The following BRINP3 variants were observed in gnomAD, a reference collection of about 807,000 sequenced individuals.
BRINP3 encodes the protein BMP/retinoic acid-inducible neural-specific protein 3.
Under a neutral mutation model 71.0 loss-of-function variants are expected in BRINP3, and 19 were observed. The ratio of observed to expected loss-of-function variants is 0.27; its 90% CI spans 0.19 to 0.39. BRINP3 has a LOEUF of 0.39. Among genes scored for constraint, BRINP3 ranks in the 10% least tolerant of loss-of-function variants. BRINP3 has a pLI of 1.00. For synonymous variants in BRINP3, 380 were observed against 337.7 expected (o/e 1.13, Z -1.37); for missense variants, 959 against 940.8 (o/e 1.02, Z -0.25).
At chr1:190,101,825 A>G (rs1200417349) in intron 7 of BRINP3, among the ~76,000 whole-genome samples, 1 of 152,216 alleles carries the variant, frequency 6.6e-6, no homozygotes, top group African/African-American at 2.4e-5. Flanking sequence ...TAGAGCTCAC[A>G]AAAGTAGGGC....
intron 1 of BRINP3, among the ~76,000 whole-genome samples, chr1:190,470,628 T>G (rs866275497): frequency 1.7e-4 from 25 of 151,296 alleles, no homozygotes; most frequent in African/African-American, 6.0e-4. Flanking sequence ...TTATGAATAG[T>G]GATTATTGAA....
intron 2 of BRINP3, among the ~76,000 whole-genome samples, chr1:190,346,503 C>T (rs1571816444): frequency 6.6e-6 from 1 of 152,074 alleles, no homozygotes; most frequent in Non-Finnish European, 1.5e-5. Context: ...TAAAAAAACT[C>T]TTAGGTCTTG....
chr1:190,163,812 T>C (rs903642876), intron 6 of BRINP3, among the ~76,000 whole-genome samples: 2 of 152,080 alleles, frequency 1.3e-5, no homozygotes, highest in African/African-American at 4.8e-5. Flanking sequence ...TTTCCGTCAA[T>C]AGAAAATCTA....
chr1:190,177,792 T>C (rs1652676632), intron 6 of BRINP3, among the ~76,000 whole-genome samples: 2 of 152,168 alleles, frequency 1.3e-5, no homozygotes, highest in African/African-American at 4.8e-5. Context: ...GGAATGTTAT[T>C]TCACACGCAC....
chr1:190,314,205 T>C (rs1000701255), intron 2 of BRINP3, among the ~76,000 whole-genome samples: 1 of 151,938 alleles, frequency 6.6e-6, no homozygotes, highest in African/African-American at 2.4e-5. Flanking sequence ...TGGAGAATAA[T>C]AGAAAAGTAG....
intron 4 of BRINP3, among the ~76,000 whole-genome samples, chr1:190,258,690 T>C (rs544592148): frequency 6.6e-6 from 1 of 152,304 alleles, no homozygotes; most frequent in African/African-American, 2.4e-5. Context: ...AATGGAAACA[T>C]TTCTAGGAAG....
At chr1:190,381,181 GT>G (rs1670525549) in intron 2 of BRINP3, among the ~76,000 whole-genome samples, 1 of 152,036 alleles carries the variant, frequency 6.6e-6, no homozygotes, top group Non-Finnish European at 1.5e-5. Flanking sequence ...ATTCTTGTCT[GT>G]TTTCTTAAAT....
intron 2 of BRINP3, among the ~76,000 whole-genome samples, chr1:190,356,171 C>T (rs540444213): frequency 1.3e-4 from 20 of 152,036 alleles, no homozygotes; most frequent in Admixed American, 2.6e-4. Context: ...CATATGTGCT[C>T]TATGAGGAGT....
At chr1:190,192,988 A>G (rs1032607901) in intron 6 of BRINP3, among the ~76,000 whole-genome samples, 7 of 152,152 alleles carry the variant, frequency 4.6e-5, no homozygotes, top group Non-Finnish European at 1.0e-4. Context: ...CCCTCAAAAC[A>G]TGTCTGCCTT....
intron 2 of BRINP3, among the ~76,000 whole-genome samples, chr1:190,333,116 C>G (rs1339699355): frequency 6.6e-6 from 1 of 152,044 alleles, no homozygotes; most frequent in East Asian, 1.9e-4. Flanking sequence ...TGACCCAACA[C>G]TAATTGATTT....
chr1:190,323,622 T>A (rs1447720058), intron 2 of BRINP3, among the ~76,000 whole-genome samples: 1 of 151,824 alleles, frequency 6.6e-6, no homozygotes, highest in Non-Finnish European at 1.5e-5. Context: ...AAGAATTTTT[T>A]TCTTATTTTG....
intron 6 of BRINP3, among the ~76,000 whole-genome samples, chr1:190,177,798 C>G (rs890290820): frequency 2.0e-5 from 3 of 152,150 alleles, no homozygotes. Flanking sequence ...TTATTTCACA[C>G]GCACTGCAGT....
intron 4 of BRINP3, among the ~76,000 whole-genome samples, chr1:190,256,594 C>T (rs1195932527): frequency 1.3e-5 from 2 of 152,148 alleles, no homozygotes; most frequent in Admixed American, 6.5e-5. Flanking sequence ...ATGGTCTTTA[C>T]AATTTGGCAT....
intron 2 of BRINP3, among the ~76,000 whole-genome samples, chr1:190,365,806 G>GAATATATATA (rs1669455040): frequency 7.8e-6 from 1 of 127,876 alleles, no homozygotes; most frequent in African/African-American, 2.9e-5. Context: ...GAGAGCAAGT[G>GAATATATATA]TATATATATA....
intron 6 of BRINP3, among the ~76,000 whole-genome samples, chr1:190,223,020 A>C (rs1657027897): frequency 1.3e-5 from 2 of 151,974 alleles, no homozygotes; most frequent in Admixed American, 1.3e-4. Flanking sequence ...ATGGCTATCA[A>C]AGAGATAATT....
chr1:190,370,182 C>G (rs533753347), intron 2 of BRINP3, among the ~76,000 whole-genome samples: 2 of 152,254 alleles, frequency 1.3e-5, no homozygotes, highest in South Asian at 2.1e-4. Context: ...CACACATACA[C>G]AAGCACAATT....
intron 7 of BRINP3, among the ~76,000 whole-genome samples, chr1:190,111,204 A>C (rs1010531709): frequency 6.6e-6 from 1 of 150,808 alleles, no homozygotes; most frequent in African/African-American, 2.4e-5. Context: ...AAAAAAAAAA[A>C]AAAACTTTAG....
intron 7 of BRINP3, among the ~76,000 whole-genome samples, chr1:190,126,490 C>T (rs1223110774): frequency 6.6e-6 from 1 of 151,852 alleles, no homozygotes; most frequent in African/African-American, 2.4e-5. Context: ...GACTTACACC[C>T]TGTTATTATA....
At chr1:190,137,477 T>G (rs10753937) in intron 7 of BRINP3, among the ~76,000 whole-genome samples, 1 of 150,652 alleles carries the variant, frequency 6.6e-6, no homozygotes, top group Non-Finnish European at 1.5e-5. Context: ...CTTCGCATTA[T>G]AGACAAGAGG....
Sources: allele counts gnomAD v4.1 joint callset (sites outside exome capture counted in the v4.1 genomes callset), GRCh38; gene constraint gnomAD v4.1.1; transcripts MANE v1.5; gene names NCBI Gene and HGNC (gene_info 2026-07-23, HGNC 2026-07-21).